PCDH15: variants seen among roughly 807,000 people sequenced by gnomAD.
PCDH15 encodes protocadherin related 15.
PCDH15 carries 129 observed loss-of-function variants against 178.5 expected under a neutral mutation model. The ratio of observed to expected loss-of-function variants is 0.72; its 90% CI spans 0.63 to 0.84. PCDH15 has a LOEUF of 0.84. Ranked by LOEUF, PCDH15 falls within the 40% of genes least tolerant of loss-of-function variation. PCDH15 has a pLI of 0.00. For missense variants in PCDH15, 2,230 were observed against 2,099.9 expected (o/e 1.06, Z -1.21); for synonymous variants, 800 against 732.0 (o/e 1.09, Z -1.50).
intron 17 of PCDH15, among the ~76,000 whole-genome samples, chr10:54,076,170 T>G (rs906164805): frequency 6.6e-6 from 1 of 152,156 alleles, no homozygotes; most frequent in Non-Finnish European, 1.5e-5. Context: ...TACAAGTCTT[T>G]TATCTCCCTG....
intron 1 of PCDH15, among the ~76,000 whole-genome samples, chr10:54,780,583 T>C (rs1950259687): frequency 6.6e-6 from 1 of 152,026 alleles, no homozygotes. Context: ...CCTCATAATA[T>C]TGAGACATTC....
At chr10:54,580,719 G>C (rs1177745541) in intron 2 of PCDH15, among the ~76,000 whole-genome samples, 1 of 151,890 alleles carries the variant, frequency 6.6e-6, no homozygotes, top group Non-Finnish European at 1.5e-5. Flanking sequence ...TAGCAAACCT[G>C]ATCCAACAGC....
chr10:55,614,507 T>G (rs557120987), intron 2 of PCDH15, among the ~76,000 whole-genome samples: 108 of 152,272 alleles, frequency 7.1e-4, no homozygotes, highest in African/African-American at 2.5e-3. Flanking sequence ...CTTAGAAATA[T>G]TTTTGTTAGA....
At chr10:54,085,321 T>C (rs1780007316) in intron 16 of PCDH15, among the ~76,000 whole-genome samples, 1 of 152,150 alleles carries the variant, frequency 6.6e-6, no homozygotes, top group South Asian at 2.1e-4. Flanking sequence ...GAGATGGAGA[T>C]AATTTTTGAA....
intron 2 of PCDH15, among the ~76,000 whole-genome samples, chr10:55,095,518 C>G (rs142507914): frequency 1.3e-5 from 2 of 152,118 alleles, no homozygotes; most frequent in East Asian, 3.9e-4. Flanking sequence ...CTTCCACGCT[C>G]TTGTCCTTCT....
chr10:55,548,210 G>A (rs868125083), intron 2 of PCDH15, among the ~76,000 whole-genome samples: 1 of 121,190 alleles, frequency 8.3e-6, no homozygotes, highest in South Asian at 3.2e-4. Flanking sequence ...AATGCCTAAT[G>A]CACACACACA....
At chr10:55,251,489 A>G (rs1295671312) in intron 1 of PCDH15, among the ~76,000 whole-genome samples, 5 of 152,186 alleles carry the variant, frequency 3.3e-5, no homozygotes, top group African/African-American at 7.2e-5. Flanking sequence ...GATATTATTC[A>G]TTCAGCATAA....
intron 2 of PCDH15, among the ~76,000 whole-genome samples, chr10:55,514,448 G>A (rs938209135): frequency 6.6e-6 from 1 of 152,122 alleles, no homozygotes; most frequent in Non-Finnish European, 1.5e-5. Context: ...CAGGAGAAAA[G>A]GCCTACAAAT....
At chr10:55,502,711 A>G (rs998819107) in intron 2 of PCDH15, among the ~76,000 whole-genome samples, 1 of 151,612 alleles carries the variant, frequency 6.6e-6, no homozygotes, top group African/African-American at 2.4e-5. Context: ...GATTGGTCAA[A>G]CTATCTTTCC....
rs142191405 is a variant in PCDH15 at position 55,441,915 on chromosome 10, C to G, written c.-156+185710G>C. ...AGAGAAGTTGGGCACACACAGAGAG[C>G]ACAAGGCTATGTGAAGATGGAACAC... On this transcript the variant is annotated intron_variant, in intron 2 of 5. Coordinates refer to the PCDH15 transcript ENST00000613346. 3.6e-3 allele frequency among the ~76,000 whole-genome samples: 543 copies of G among 151,390 alleles called. 4 individuals are homozygous for G. Among genetic ancestry groups the G allele is most frequent in the Middle Eastern group, 0.014 (4 of 294 alleles).
At chr10:54,675,771 T>C (rs893381583) in intron 1 of PCDH15, among the ~76,000 whole-genome samples, 3 of 152,168 alleles carry the variant, frequency 2.0e-5, no homozygotes, top group Admixed American at 6.5e-5. Context: ...TTTATGCCCC[T>C]GAGAAGAGGA....
At chr10:54,748,095 C>T (rs1266248274) in intron 1 of PCDH15, among the ~76,000 whole-genome samples, 1 of 151,978 alleles carries the variant, frequency 6.6e-6, no homozygotes, top group Admixed American at 6.6e-5. Flanking sequence ...CGTGAGCCAC[C>T]GCGCCCGACC....
intron 5 of PCDH15, among the ~76,000 whole-genome samples, chr10:54,352,714 T>C (rs1161985676): frequency 1.3e-5 from 2 of 152,126 alleles, no homozygotes; most frequent in Non-Finnish European, 2.9e-5. Context: ...TATTTTCCAA[T>C]TGTTAATATC....
chr10:55,050,219 T>C (rs1345217757), intron 2 of PCDH15, among the ~76,000 whole-genome samples: 2 of 131,290 alleles, frequency 1.5e-5, no homozygotes, highest in African/African-American at 5.8e-5. Context: ...GGGTTAGAAG[T>C]CCTGGGTTTG....
intron 3 of PCDH15, among the ~76,000 whole-genome samples, chr10:54,470,786 T>C (rs2077862755): frequency 6.6e-6 from 1 of 152,176 alleles, no homozygotes; most frequent in Non-Finnish European, 1.5e-5. Context: ...CTTAGGTGTT[T>C]TCTGTCACAT....
chr10:55,093,022 T>C (rs1049429165), intron 2 of PCDH15, among the ~76,000 whole-genome samples: 2 of 152,056 alleles, frequency 1.3e-5, no homozygotes, highest in African/African-American at 2.4e-5. Context: ...CTTACAGATA[T>C]ATAGCACAAT....
chr10:54,713,402 G>A (rs2095445768), intron 1 of PCDH15, among the ~76,000 whole-genome samples: 1 of 152,070 alleles, frequency 6.6e-6, no homozygotes, highest in Non-Finnish European at 1.5e-5. Flanking sequence ...AATAAAACTT[G>A]TACAGGTTGG....
intron 3 of PCDH15, among the ~76,000 whole-genome samples, chr10:54,814,866 C>T (rs1451592053): frequency 6.6e-6 from 1 of 152,078 alleles, no homozygotes; most frequent in East Asian, 1.9e-4. Context: ...ATCCTGTTTC[C>T]ATCTGATGTG....
At chr10:55,052,883 TAGAA>T (rs1841201500) in intron 2 of PCDH15, among the ~76,000 whole-genome samples, 1 of 152,108 alleles carries the variant, frequency 6.6e-6, no homozygotes, top group African/African-American at 2.4e-5. Context: ...TAAACCTTAA[TAGAA>T]AGAGCATCAC....
Sources: gnomAD v4.1 joint callset for allele counts (sites outside exome capture counted in the v4.1 genomes callset) on GRCh38, gnomAD v4.1.1 for gene constraint, MANE v1.5 for transcripts, NCBI Gene and HGNC (gene_info 2026-07-23, HGNC 2026-07-21) for gene names.